Variants in CD8B observed in about 807,000 individuals in gnomAD.
CD8B encodes the protein CD8 subunit beta.
Under a neutral mutation model 24.2 loss-of-function variants are expected in CD8B, and 6 were observed. The observed-to-expected ratio is 0.25, with a 90% CI of 0.14 to 0.49. The LOEUF (loss-of-function observed/expected upper bound fraction) is 0.49, where lower values mean the gene tolerates loss of function less well. Ranked by LOEUF, CD8B falls within the 20% of genes least tolerant of loss-of-function variation. CD8B has a pLI of 0.98. For synonymous variants in CD8B, 84 were observed against 108.3 expected (o/e 0.78, Z 1.39); for missense variants, 196 against 271.3 (o/e 0.72, Z 1.95).
chr2:86,848,546 G>A (rs1225371042), intron 3 of CD8B, among the ~76,000 whole-genome samples: 1 of 151,958 alleles, frequency 6.6e-6, no homozygotes, highest in Non-Finnish European at 1.5e-5. Flanking sequence ...ATGGGTGAAA[G>A]GGCAAGGCTG....
intron 5 of CD8B, among the ~76,000 whole-genome samples, chr2:86,826,052 GC>G (rs980453996): frequency 6.6e-6 from 1 of 152,156 alleles, no homozygotes; most frequent in African/African-American, 2.4e-5. Flanking sequence ...AGGCTCAGGT[GC>G]CCGTGTTTGC....
chr2:86,840,619 G>T lies in CD8B; in HGVS notation c.*1688C>A, dbSNP rs941872691. ...GAAAACTTTGCAATTGGGCCCATGG[G>T]CTATCTGCTTAGGGTCCACTCCTAC... On this transcript the variant is annotated 3_prime_UTR_variant, in exon 6 of 6. Transcript: ENST00000390655. 6.6e-6 allele frequency among the ~76,000 whole-genome samples: 1 copy of T among 152,214 alleles called. No individual in the cohort carries two copies. Among genetic ancestry groups the T allele is most frequent in the African/African-American group, 2.4e-5 (1 of 41,460 alleles).
rs1433913088 is a variant in CD8B at position 86,843,568 on chromosome 2, T to A, written c.621-1249A>T. Reference sequence around the variant, plus strand: ...AGGCATGTTTAAGCCACTCTCGATATAAATATAATGTGTACAACAATGCAG... The same window carrying A: ...AGGCATGTTTAAGCCACTCTCGATAAAAATATAATGTGTACAACAATGCAG... On this transcript the variant is annotated intron_variant, in intron 5 of 5. Coordinates refer to ENST00000390655, the MANE Select transcript of CD8B (RefSeq NM_004931.5). 6 of 983,376 alleles carry A rather than the reference T, an allele frequency of 6.1e-6. No homozygotes were observed. The African/African-American group carries it at 1.0e-4, about 17-fold the overall frequency. 60.9% of individuals were successfully genotyped at this position (983,376 alleles called of 1,614,324 possible). A position where few individuals can be genotyped will look rare whatever the true frequency, so the allele number is the denominator to read the frequency against.
intron 1 of CD8B, among the ~76,000 whole-genome samples, chr2:86,861,120 G>C (rs1357584835): frequency 6.6e-6 from 1 of 152,160 alleles, no homozygotes; most frequent in Non-Finnish European, 1.5e-5. Context: ...GACCAGCTTT[G>C]GGCTTTTTGG....
chr2:86,830,860 T>C (rs1674881238), intron 5 of CD8B, among the ~76,000 whole-genome samples: 1 of 152,168 alleles, frequency 6.6e-6, no homozygotes, highest in Non-Finnish European at 1.5e-5. Context: ...TTTTAATAAT[T>C]CCAATTTATA....
intron 1 of CD8B, among the ~76,000 whole-genome samples, chr2:86,861,257 C>T (rs1676571270): frequency 6.6e-6 from 1 of 152,128 alleles, no homozygotes; most frequent in Non-Finnish European, 1.5e-5. Flanking sequence ...ACAACCCAAC[C>T]TCCAGGCTGC....
intron 5 of CD8B, among the ~76,000 whole-genome samples, chr2:86,829,095 C>CTTTTTTTTTTTTTTTTTTTT (rs746569858): frequency 6.0e-5 from 5 of 82,992 alleles, no homozygotes; most frequent in Non-Finnish European, 1.1e-4. Context: ...ATGCTCTTTA[C>CTTTTTTTTTTTTTTTTTTTT]TTTTTTTTTT....
At chr2:86,815,531 G>A, downstream of CD8B, 1 of 902,720 alleles carries the variant, frequency 1.1e-6, no homozygotes, top group Non-Finnish European at 1.9e-6. Context: ...CTGGGTGTGT[G>A]GGAGGATCCC....
At chr2:86,861,010 A>C (rs1188537419) in intron 1 of CD8B, among the ~76,000 whole-genome samples, 1 of 152,030 alleles carries the variant, frequency 6.6e-6, no homozygotes, top group Non-Finnish European at 1.5e-5. Context: ...ATCAGTAATG[A>C]CTTTAGTGCT....
At chr2:86,846,927 ATTTTTTT>A (rs60980294) in intron 3 of CD8B, among the ~76,000 whole-genome samples, 154 bp from the exon 4 acceptor site, 2 of 58,858 alleles carry the variant, frequency 3.4e-5, no homozygotes, top group Non-Finnish European at 6.4e-5. Context: ...TTCCTCAAGT[ATTTTTTT>A]TTTTTTTTTT....
chr2:86,824,974 A>T (rs1474082261), intron 5 of CD8B, among the ~76,000 whole-genome samples: 2 of 152,248 alleles, frequency 1.3e-5, no homozygotes, highest in Admixed American at 6.5e-5. Flanking sequence ...ACTAATGCCA[A>T]TAAATAATGA....
downstream of CD8B, among the ~76,000 whole-genome samples, chr2:86,835,293 C>A (rs1675132167): frequency 1.3e-5 from 2 of 152,234 alleles, no homozygotes; most frequent in Non-Finnish European, 2.9e-5. Flanking sequence ...TCAACCAAAG[C>A]CTGCTTGTCT....
At position 86,841,723 on chromosome 2, in the gene CD8B, T is replaced by A. The variant is rs143157902; in HGVS notation, c.*584A>T. 2.0e-6 allele frequency: 2 copies of A among 985,346 alleles called. No individual in the cohort carries two copies. Among genetic ancestry groups the A allele is most frequent in the African/African-American group, 3.5e-5 (2 of 57,208 alleles). The allele number at this position is 985,346 out of a possible 1,614,324, so 61.0% of individuals were successfully genotyped here. ...AGAGTAGAAATGGGAGCTGAGAAGA[T>A]GAAGTGAACTCCTATCCTCAAACCC... On this transcript the variant is annotated 3_prime_UTR_variant, in exon 6 of 6. Coordinates refer to ENST00000390655, the MANE Select transcript of CD8B (RefSeq NM_004931.5).
intron 3 of CD8B, among the ~76,000 whole-genome samples, chr2:86,848,705 T>TTAA (rs1553436942): frequency 2.1e-4 from 7 of 32,872 alleles, no homozygotes; most frequent in African/African-American, 3.9e-4. Flanking sequence ...TTTTAAATTA[T>TTAA]TTATTTATTT....
exon 6 of CD8B, chr2:86,815,622 C>A: frequency 6.2e-7 from 1 of 1,606,282 alleles, no homozygotes; most frequent in Non-Finnish European, 8.5e-7. Flanking sequence ...TTTTCAGGAT[C>A]CATGGGTTAA....
intron 3 of CD8B, among the ~76,000 whole-genome samples, chr2:86,851,090 C>CAA (rs111384074): frequency 2.6e-3 from 279 of 106,766 alleles, no homozygotes; most frequent in African/African-American, 7.2e-3. Flanking sequence ...GACTCCATTT[C>CAA]AAAAAAAAAA....
downstream of CD8B, among the ~76,000 whole-genome samples, chr2:86,833,558 C>T (rs75815570): frequency 0.061 from 8,104 of 132,174 alleles, 1,390 homozygotes; most frequent in African/African-American, 0.23. Flanking sequence ...GCTCTCCTCC[C>T]CTCCCCTCTC....
At chr2:86,818,350 A>G (rs1019844466) in intron 5 of CD8B, among the ~76,000 whole-genome samples, 4 of 152,172 alleles carry the variant, frequency 2.6e-5, no homozygotes, top group East Asian at 3.9e-4. Flanking sequence ...TTATTTTTTT[A>G]TTGTGCTGCA....
intron 2 of CD8B, among the ~76,000 whole-genome samples, chr2:86,855,457 T>C (rs1023114964): frequency 1.3e-5 from 2 of 152,194 alleles, no homozygotes; most frequent in African/African-American, 2.4e-5. Context: ...GCTGAAATAA[T>C]GTGTCCAAAG....
Sources: allele counts gnomAD v4.1 joint callset (sites outside exome capture counted in the v4.1 genomes callset), GRCh38; gene constraint gnomAD v4.1.1; transcripts MANE v1.5; gene names NCBI Gene and HGNC (gene_info 2026-07-23, HGNC 2026-07-21).